RCAN2: variants seen among roughly 807,000 people sequenced by gnomAD.
RCAN2 encodes the protein regulator of calcineurin 2, also known as calcipressin-2.
In RCAN2, 9 loss-of-function variants were observed where a neutral mutation model predicts 23.6. The ratio of observed to expected loss-of-function variants is 0.38; its 90% CI spans 0.23 to 0.67. The LOEUF (loss-of-function observed/expected upper bound fraction) is 0.67, where lower values mean the gene tolerates loss of function less well. Ranked by LOEUF, RCAN2 falls within the 30% of genes least tolerant of loss-of-function variation. The pLI is 0.51. For missense variants in RCAN2, 273 were observed against 302.3 expected, an observed-to-expected ratio of 0.90 and a Z score of 0.72; for synonymous variants, 109 against 115.7, an observed-to-expected ratio of 0.94 and a Z score of 0.37.
intron 2 of RCAN2, among the ~76,000 whole-genome samples, chr6:46,433,538 G>A (rs1767277140): frequency 6.6e-6 from 1 of 152,202 alleles, no homozygotes; most frequent in Admixed American, 6.5e-5. Flanking sequence ...GTGTGTTATT[G>A]GAAGCAGAAG....
At position 46,445,483 on chromosome 6, in the gene RCAN2, C is replaced by T. The variant is rs567741012; in HGVS notation, c.225+11269G>A. On this transcript the variant is annotated intron_variant, in intron 2 of 4. Coordinates refer to ENST00000371374, the MANE Select transcript of RCAN2 (RefSeq NM_001251974.2). Reference sequence around the variant, plus strand: ...CCAGTCCAAAAAGACAGGAATAAGTCCCTACTTCTTCAAATGCATAGAAAC... The same window carrying T: ...CCAGTCCAAAAAGACAGGAATAAGTTCCTACTTCTTCAAATGCATAGAAAC... Among the ~76,000 whole-genome samples the T allele has an allele frequency of 1.5e-3, 227 of 152,292 alleles. 1 individual carries two copies. The highest frequency in any genetic ancestry group is 2.7e-3 in the Non-Finnish European group (185 of 68,014).
chr6:46,345,295 A>G (rs1466075480), intron 2 of RCAN2, among the ~76,000 whole-genome samples: 1 of 152,072 alleles, frequency 6.6e-6, no homozygotes. Flanking sequence ...CAGATCTACA[A>G]TCACTGTTGG....
intron 2 of RCAN2, among the ~76,000 whole-genome samples, chr6:46,326,423 C>T (rs1159735572): frequency 1.3e-5 from 2 of 152,208 alleles, no homozygotes; most frequent in African/African-American, 4.8e-5. Context: ...TCACCTGAGA[C>T]TTTGAACACA....
chr6:46,275,143 A>C (rs1195402036), intron 2 of RCAN2, among the ~76,000 whole-genome samples: 1 of 151,626 alleles, frequency 6.6e-6, no homozygotes, highest in Non-Finnish European at 1.5e-5. Context: ...CCCAGGCTGG[A>C]GTACAGTGGT....
chr6:46,469,819 T>C (rs4711852), intron 1 of RCAN2, among the ~76,000 whole-genome samples: 115,192 of 152,116 alleles, frequency 0.76, 44,172 homozygotes, highest in South Asian at 0.83. Flanking sequence ...CTTCTCCCCT[T>C]GTGAATGAGA....
At chr6:46,402,760 CT>C (rs1233111379) in intron 2 of RCAN2, among the ~76,000 whole-genome samples, 1 of 152,178 alleles carries the variant, frequency 6.6e-6, no homozygotes, top group Non-Finnish European at 1.5e-5. Flanking sequence ...GCTGGCCATA[CT>C]TTTTGAACCT....
chr6:46,254,332 T>C (rs1343755181), intron 2 of RCAN2, among the ~76,000 whole-genome samples: 2 of 152,056 alleles, frequency 1.3e-5, no homozygotes, highest in Non-Finnish European at 2.9e-5. Flanking sequence ...GTGAGACCCT[T>C]AAGGGTACAA....
At chr6:46,335,767 T>A (rs1277973085) in intron 2 of RCAN2, among the ~76,000 whole-genome samples, 1 of 152,196 alleles carries the variant, frequency 6.6e-6, no homozygotes, top group Non-Finnish European at 1.5e-5. Flanking sequence ...TTAGAAAATC[T>A]GCATTTTGGT....
chr6:46,455,264 T>C (rs1767983084), intron 2 of RCAN2, among the ~76,000 whole-genome samples: 1 of 152,200 alleles, frequency 6.6e-6, no homozygotes, highest in Non-Finnish European at 1.5e-5. Flanking sequence ...GTTCTAATTA[T>C]ATATAATTCC....
intron 2 of RCAN2, among the ~76,000 whole-genome samples, chr6:46,297,490 G>A (rs527691773): frequency 8.5e-5 from 13 of 152,110 alleles, no homozygotes; most frequent in Admixed American, 2.6e-4. Flanking sequence ...TGCACAGTCC[G>A]GGTGGGTAGA....
chr6:46,468,003 C>A lies in RCAN2; in HGVS notation c.-2-11025G>T, dbSNP rs533984526. ...AACAATTTTACTTTGTGATTTTCTGCAAGTTAGCTCTGCTTACTAGGCCTC... is the reference window on the plus strand; with the variant it reads ...AACAATTTTACTTTGTGATTTTCTGAAAGTTAGCTCTGCTTACTAGGCCTC... On this transcript the variant is annotated intron_variant, in intron 1 of 4. Transcript: ENST00000371374. 1.8e-4 allele frequency among the ~76,000 whole-genome samples: 27 copies of A among 152,300 alleles called. No individual in the cohort carries two copies. In the South Asian group the frequency reaches 5.2e-3, roughly 29 times the overall value.
intron 2 of RCAN2, among the ~76,000 whole-genome samples, chr6:46,389,566 C>T (rs1035427521): frequency 6.6e-6 from 1 of 152,224 alleles, no homozygotes; most frequent in South Asian, 2.1e-4. Flanking sequence ...CTAGTCATCT[C>T]TGCACTCCCA....
At chr6:46,469,404 C>G (rs1040934600) in intron 1 of RCAN2, among the ~76,000 whole-genome samples, 1 of 152,182 alleles carries the variant, frequency 6.6e-6, no homozygotes, top group African/African-American at 2.4e-5. Flanking sequence ...ACATCCCTCA[C>G]CCCCTCCAGC....
chr6:46,332,672 T>A (rs1349531642), intron 2 of RCAN2, among the ~76,000 whole-genome samples: 1 of 152,126 alleles, frequency 6.6e-6, no homozygotes, highest in African/African-American at 2.4e-5. Flanking sequence ...TATTCCATGG[T>A]GTATATGTGC....
At chr6:46,255,738 G>A (rs1170875267) in intron 2 of RCAN2, among the ~76,000 whole-genome samples, 3 of 152,088 alleles carry the variant, frequency 2.0e-5, no homozygotes, top group Non-Finnish European at 4.4e-5. Context: ...AACAGGAGGA[G>A]TGACCTGGAG....
intron 2 of RCAN2, among the ~76,000 whole-genome samples, chr6:46,256,765 A>C (rs777908698): frequency 6.6e-6 from 1 of 152,266 alleles, no homozygotes. Context: ...ATAAAGTAAA[A>C]TGGAAAACGA....
At chr6:46,455,864 A>AAAG (rs1554142603) in intron 2 of RCAN2, among the ~76,000 whole-genome samples, 4 of 151,120 alleles carry the variant, frequency 2.6e-5, no homozygotes, top group South Asian at 4.2e-4. Flanking sequence ...TAAAAAAAAA[A>AAAG]AAAGAAAGAA....
intron 2 of RCAN2, among the ~76,000 whole-genome samples, chr6:46,321,304 C>T (rs757823522): frequency 1.9e-4 from 29 of 152,216 alleles, no homozygotes; most frequent in South Asian, 6.2e-4. Flanking sequence ...ATTTCATTGT[C>T]TGCATCTCAT....
chr6:46,428,568 A>G, intron 2 of RCAN2, among the ~76,000 whole-genome samples: 1 of 152,238 alleles, frequency 6.6e-6, no homozygotes, highest in South Asian at 2.1e-4. Flanking sequence ...TCCAGAGAAG[A>G]ATCTCCAGTC....
Sources: gnomAD v4.1 joint callset for allele counts (sites outside exome capture counted in the v4.1 genomes callset) on GRCh38, gnomAD v4.1.1 for gene constraint, MANE v1.5 for transcripts, NCBI Gene and HGNC (gene_info 2026-07-23, HGNC 2026-07-21) for gene names.